Variants in MTFR1 observed in about 807,000 individuals in gnomAD.
MTFR1 encodes the protein mitochondrial fission regulator 1, also known as chondrocyte protein with a poly-proline region.
A neutral mutation model predicts 38.8 loss-of-function variants in MTFR1; 28 were observed. The ratio of observed to expected loss-of-function variants is 0.72; its 90% CI spans 0.53 to 0.99. The LOEUF (loss-of-function observed/expected upper bound fraction) is 0.99, where lower values mean the gene tolerates loss of function less well. MTFR1 is among the 50% of genes least tolerant of loss of function. The pLI, the probability that MTFR1 is intolerant of heterozygous loss-of-function variation, is 0.00. For missense variants in MTFR1, 358 were observed against 395.5 expected, an observed-to-expected ratio of 0.91 and a Z score of 0.81; for synonymous variants, 145 against 137.0, an observed-to-expected ratio of 1.06 and a Z score of -0.41.
intron 1 of MTFR1, among the ~76,000 whole-genome samples, chr8:65,657,046 T>C (rs1311759144): frequency 6.7e-6 from 1 of 149,506 alleles, no homozygotes; most frequent in East Asian, 2.0e-4. Flanking sequence ...GGAGTCTCAC[T>C]CTTATTGCCC....
intron 3 of MTFR1, among the ~76,000 whole-genome samples, chr8:65,683,279 A>C (rs1429806361): frequency 6.6e-6 from 1 of 151,500 alleles, no homozygotes; most frequent in African/African-American, 2.4e-5. Context: ...CTACAGGTGC[A>C]CACCACCACG....
intron 3 of MTFR1, among the ~76,000 whole-genome samples, chr8:65,759,829 C>A (rs1424936358): frequency 6.6e-6 from 1 of 151,836 alleles, no homozygotes; most frequent in South Asian, 2.1e-4. Flanking sequence ...CCAGAAACAA[C>A]CATTGTTAAC....
chr8:65,676,213 G>C (rs774359110), intron 2 of MTFR1, among the ~76,000 whole-genome samples: 3 of 152,018 alleles, frequency 2.0e-5, no homozygotes, highest in Non-Finnish European at 2.9e-5. Context: ...ACATTTTGTT[G>C]GGTCCTAACT....
At chr8:65,680,969 G>A (rs1296461189) in intron 2 of MTFR1, among the ~76,000 whole-genome samples, 1 of 143,542 alleles carries the variant, frequency 7.0e-6, no homozygotes, top group Non-Finnish European at 1.5e-5. Flanking sequence ...GCGGACTGCA[G>A]TGGCGCAATC....
At chr8:65,647,045 G>GTGC (rs1417165719) in intron 1 of MTFR1, among the ~76,000 whole-genome samples, 1 of 152,212 alleles carries the variant, frequency 6.6e-6, no homozygotes, top group African/African-American at 2.4e-5. Flanking sequence ...AGGAACTTGA[G>GTGC]TGCCACTTAA....
chr8:65,697,568 A>G (rs1179237069), intron 4 of MTFR1, among the ~76,000 whole-genome samples: 1 of 152,230 alleles, frequency 6.6e-6, no homozygotes, highest in Non-Finnish European at 1.5e-5. Context: ...TGGCTGTTAA[A>G]GAAAGTTAGT....
In MTFR1 at chr8:65,709,419, GACATAA is replaced by G. The variant is rs1805880441; in HGVS notation, c.*379_*384del. ...TAAGTGTTTTATATGCATATTTTTG[GACATAA>G]ACAGTTTATGTAAAATTAGTAATGA... On this transcript the variant is annotated 3_prime_UTR_variant, in exon 8 of 8. Coordinates refer to ENST00000262146, the MANE Select transcript of MTFR1 (RefSeq NM_014637.4). 1 of 163,364 alleles carries G rather than the reference GACATAA, an allele frequency of 6.1e-6. No homozygotes were observed. The highest frequency in any genetic ancestry group is 2.4e-5 in the African/African-American group (1 of 41,858). The allele number at this position is 163,364 out of a possible 1,614,324, so 10.1% of individuals were successfully genotyped here. A position where few individuals can be genotyped will look rare whatever the true frequency, so the allele number is the denominator to read the frequency against.
intron 2 of MTFR1, among the ~76,000 whole-genome samples, chr8:65,675,997 A>G (rs979875187): frequency 2.0e-5 from 3 of 152,250 alleles, no homozygotes; most frequent in South Asian, 2.1e-4. Flanking sequence ...GCAAGTATCT[A>G]TAATAATTTG....
chr8:65,662,807 A>C (rs1809478382), intron 1 of MTFR1, among the ~76,000 whole-genome samples: 1 of 145,820 alleles, frequency 6.9e-6, no homozygotes, highest in African/African-American at 2.6e-5. Flanking sequence ...TCCGGGAGGG[A>C]GGTGGGGGTC....
At chr8:65,705,020 G>A in intron 5 of MTFR1, 91 bp downstream of exon 5, 4 of 1,138,362 alleles carry the variant, frequency 3.5e-6, no homozygotes, top group Non-Finnish European at 5.0e-6. Context: ...AACAGCTATT[G>A]GGGTTCTTAG....
intron 2 of MTFR1, among the ~76,000 whole-genome samples, chr8:65,670,707 C>CTT (rs369233827): frequency 4.8e-4 from 69 of 144,424 alleles, no homozygotes; most frequent in Middle Eastern, 7.1e-3. Flanking sequence ...TGTGGGTATA[C>CTT]TTTTTTTTTT....
At chr8:65,699,993 C>G (rs1805563373) in intron 4 of MTFR1, among the ~76,000 whole-genome samples, 1 of 152,098 alleles carries the variant, frequency 6.6e-6, no homozygotes, top group Non-Finnish European at 1.5e-5. Context: ...ATGAGTCTTT[C>G]ATAATTGGTT....
At chr8:65,713,726 C>G (rs1018482424), downstream of MTFR1, among the ~76,000 whole-genome samples, 1 of 152,154 alleles carries the variant, frequency 6.6e-6, no homozygotes, top group African/African-American at 2.4e-5. Context: ...CTCTGTTGCC[C>G]AGGCTGGAGT....
At chr8:65,727,326 A>G in intron 3 of MTFR1, 1 of 1,612,088 alleles carries the variant, frequency 6.2e-7, no homozygotes, top group African/African-American at 1.3e-5. Flanking sequence ...AAGAATAATG[A>G]ATCACAGATA....
chr8:65,753,485 G>C (rs962949295), intron 3 of MTFR1, among the ~76,000 whole-genome samples: 2 of 152,182 alleles, frequency 1.3e-5, no homozygotes, highest in Non-Finnish European at 2.9e-5. Flanking sequence ...GAAATAATTA[G>C]CTTTGTACTT....
At chr8:65,651,247 T>C (rs2129047258) in intron 1 of MTFR1, among the ~76,000 whole-genome samples, 1 of 152,352 alleles carries the variant, frequency 6.6e-6, no homozygotes, top group Middle Eastern at 3.4e-3. Context: ...CTGTGGGTTG[T>C]CTCTTCAGTT....
chr8:65,776,053 T>C (rs1384225127), downstream of MTFR1, among the ~76,000 whole-genome samples: 2 of 152,142 alleles, frequency 1.3e-5, no homozygotes, highest in East Asian at 1.9e-4. Context: ...CATATCCACA[T>C]TGCTAAATCA....
At chr8:65,706,329 C>G (rs949874439) in intron 5 of MTFR1, among the ~76,000 whole-genome samples, 2 of 152,178 alleles carry the variant, frequency 1.3e-5, no homozygotes, top group East Asian at 3.9e-4. Flanking sequence ...ACATCAACAC[C>G]TCCCCAATCA....
chr8:65,673,396 T>A (rs1804620738), intron 2 of MTFR1, among the ~76,000 whole-genome samples: 3 of 126,902 alleles, frequency 2.4e-5, no homozygotes, highest in Non-Finnish European at 1.5e-5. Flanking sequence ...ATAGATATAA[T>A]AAGAATGCAT....
Sources: allele counts gnomAD v4.1 joint callset (sites outside exome capture counted in the v4.1 genomes callset), GRCh38; gene constraint gnomAD v4.1.1; transcripts MANE v1.5; gene names NCBI Gene and HGNC (gene_info 2026-07-23, HGNC 2026-07-21).